PRKN: variants seen among roughly 807,000 people sequenced by gnomAD.
The protein encoded by PRKN is E3 ubiquitin-protein ligase parkin.
PRKN carries 56 observed loss-of-function variants against 59.5 expected under a neutral mutation model. The ratio of observed to expected loss-of-function variants is 0.94; its 90% CI spans 0.76 to 1.18. The LOEUF is 1.18. Ranked by LOEUF, PRKN falls within the 50% of genes most tolerant of loss-of-function variation. The pLI is 0.00. For synonymous variants in PRKN, 250 were observed against 222.1 expected, an observed-to-expected ratio of 1.13 and a Z score of -1.12; for missense variants, 657 against 596.4, an observed-to-expected ratio of 1.10 and a Z score of -1.06.
At chr6:162,131,332 T>C (rs556560402) in intron 4 of PRKN, among the ~76,000 whole-genome samples, 2 of 152,242 alleles carry the variant, frequency 1.3e-5, no homozygotes, top group African/African-American at 2.4e-5. Context: ...TACACAGTAA[T>C]GCAATAATGG....
chr6:161,867,533 G>T (rs1583270682), intron 6 of PRKN, among the ~76,000 whole-genome samples: 2 of 152,082 alleles, frequency 1.3e-5, no homozygotes, highest in Admixed American at 6.6e-5. Context: ...TTATGGAAAA[G>T]CAGATATATA....
intron 2 of PRKN, among the ~76,000 whole-genome samples, chr6:162,389,083 G>C (rs1787027456): frequency 6.6e-6 from 1 of 151,448 alleles, no homozygotes. Flanking sequence ...AAAGTAAGGT[G>C]CTAGCCCTTC....
chr6:161,935,403 A>G (rs911848242), intron 6 of PRKN, among the ~76,000 whole-genome samples: 2 of 151,860 alleles, frequency 1.3e-5, no homozygotes, highest in African/African-American at 4.8e-5. Context: ...AAATACAAAA[A>G]ATTACCCAGG....
chr6:161,556,273 T>C lies in PRKN; in HGVS notation c.934-7270A>G, dbSNP rs1304621468. Among the ~76,000 whole-genome samples the C allele has an allele frequency of 2.6e-5, 4 of 152,210 alleles. No individual in the cohort carries two copies. In the South Asian group the frequency reaches 6.2e-4, roughly 24 times the overall value. On this transcript the variant is annotated intron_variant, in intron 8 of 11. Transcript: ENST00000366898. ...TCAAAGGAAGACAAATATTTTAACA[T>C]ATGCGCCTGGGAATTTCTGATGATT...
intron 1 of PRKN, among the ~76,000 whole-genome samples, chr6:162,717,609 A>C (rs1778779726): frequency 6.6e-6 from 1 of 151,294 alleles, no homozygotes; most frequent in African/African-American, 2.4e-5. Flanking sequence ...TTGGGCCTCC[A>C]GAACTGTAAG....
At chr6:161,994,006 C>T (rs1055042365) in intron 5 of PRKN, among the ~76,000 whole-genome samples, 6 of 152,104 alleles carry the variant, frequency 3.9e-5, no homozygotes, top group Non-Finnish European at 8.8e-5. Flanking sequence ...CAAACACCTC[C>T]CACTAGGCCC....
chr6:162,125,885 T>A (rs914882716), intron 4 of PRKN, among the ~76,000 whole-genome samples: 1 of 152,118 alleles, frequency 6.6e-6, no homozygotes, highest in Non-Finnish European at 1.5e-5. Context: ...GAGGGTGAAT[T>A]GCTGTATTTA....
intron 4 of PRKN, among the ~76,000 whole-genome samples, chr6:162,062,329 A>G (rs1469770234): frequency 6.6e-6 from 1 of 152,220 alleles, no homozygotes; most frequent in Non-Finnish European, 1.5e-5. Flanking sequence ...AATATGTGGC[A>G]TGATTCCATG....
chr6:162,126,034 T>C (rs1781110375), intron 4 of PRKN, among the ~76,000 whole-genome samples: 1 of 152,224 alleles, frequency 6.6e-6, no homozygotes, highest in Admixed American at 6.5e-5. Context: ...TAGATTATGA[T>C]GTCTAACAGA....
At chr6:161,815,767 G>C (rs1284636743) in intron 6 of PRKN, among the ~76,000 whole-genome samples, 1 of 152,184 alleles carries the variant, frequency 6.6e-6, no homozygotes, top group Non-Finnish European at 1.5e-5. Context: ...CCACAGGTCT[G>C]TGTGTAGGGG....
intron 1 of PRKN, among the ~76,000 whole-genome samples, chr6:162,489,929 T>C (rs1467039535): frequency 1.3e-5 from 2 of 152,188 alleles, no homozygotes; most frequent in Non-Finnish European, 1.5e-5. Flanking sequence ...AAGAAGTGTC[T>C]TTATACCTTA....
chr6:162,235,571 G>T (rs1431132110), intron 3 of PRKN, among the ~76,000 whole-genome samples: 1 of 152,130 alleles, frequency 6.6e-6, no homozygotes, highest in African/African-American at 2.4e-5. Context: ...ACTTTGGGAG[G>T]CCAAGGCAGG....
rs117563062 is a variant in PRKN at position 162,513,563 on chromosome 6, A to T, written c.8-70090T>A. ...GAAGAGAGAGACAGAGAAAGAAGGAAGGAAAAAGGCATACCATGGGCGGGA... is the reference window on the plus strand; with the variant it reads ...GAAGAGAGAGACAGAGAAAGAAGGATGGAAAAAGGCATACCATGGGCGGGA... On this transcript the variant is annotated intron_variant, in intron 1 of 11. Transcript: ENST00000366898. 8.6e-4 allele frequency among the ~76,000 whole-genome samples: 131 copies of T among 152,232 alleles called. 4 individuals are homozygous for T. In the East Asian group the frequency reaches 0.021, roughly 24 times the overall value.
At chr6:161,439,951 G>GT (rs961854556) in intron 9 of PRKN, among the ~76,000 whole-genome samples, 2 of 115,610 alleles carry the variant, frequency 1.7e-5, no homozygotes, top group African/African-American at 3.2e-5. Flanking sequence ...GTTTTGTTTT[G>GT]TTTTTTGTTT....
At chr6:162,143,501 T>C (rs1414757505) in intron 4 of PRKN, among the ~76,000 whole-genome samples, 1 of 152,188 alleles carries the variant, frequency 6.6e-6, no homozygotes, top group Admixed American at 6.5e-5. Context: ...ACCAGACTTC[T>C]ACTACAGAGA....
chr6:161,490,485 G>A (rs1181996033), intron 9 of PRKN, among the ~76,000 whole-genome samples: 1 of 149,338 alleles, frequency 6.7e-6, no homozygotes, highest in African/African-American at 2.5e-5. Context: ...CTGCCTCCTG[G>A]GTTCAAGCGA....
chr6:161,989,225 G>A (rs1243421712), intron 5 of PRKN, among the ~76,000 whole-genome samples: 3 of 152,060 alleles, frequency 2.0e-5, no homozygotes, highest in Non-Finnish European at 1.5e-5. Context: ...CTGACACTTT[G>A]AAATAAACAC....
At chr6:161,504,217 A>C (rs907564116) in intron 9 of PRKN, among the ~76,000 whole-genome samples, 18 of 152,212 alleles carry the variant, frequency 1.2e-4, no homozygotes, top group Non-Finnish European at 2.4e-4. Flanking sequence ...GAACCACAAG[A>C]AATCTAATGA....
At chr6:162,646,834 T>C (rs1353447353) in intron 1 of PRKN, among the ~76,000 whole-genome samples, 1 of 152,188 alleles carries the variant, frequency 6.6e-6, no homozygotes, top group Non-Finnish European at 1.5e-5. Flanking sequence ...TAAGTATTTG[T>C]GTACCTAAAC....
Sources: allele counts gnomAD v4.1 joint callset (sites outside exome capture counted in the v4.1 genomes callset), GRCh38; gene constraint gnomAD v4.1.1; transcripts MANE v1.5; gene names NCBI Gene and HGNC (gene_info 2026-07-23, HGNC 2026-07-21).